Variants in CR1L observed in about 807,000 individuals in gnomAD.
CR1L encodes complement component receptor 1-like protein.
Under a neutral mutation model 62.3 loss-of-function variants are expected in CR1L, and 59 were observed. The ratio of observed to expected loss-of-function variants is 0.95; its 90% CI spans 0.77 to 1.18. The LOEUF is 1.18. CR1L is among the 50% of genes most tolerant of loss of function. The pLI, the probability that CR1L is intolerant of heterozygous loss-of-function variation, is 0.00. For synonymous variants in CR1L, 279 were observed against 248.7 expected, an observed-to-expected ratio of 1.12 and a Z score of -1.15; for missense variants, 700 against 702.8, an observed-to-expected ratio of 1.00 and a Z score of 0.04.
chr1:207,721,302 A>G (rs151105668), intron 11 of CR1L, among the ~76,000 whole-genome samples: 4,558 of 150,130 alleles, frequency 0.03, 101 homozygotes, highest in Middle Eastern at 0.048. Flanking sequence ...CTAACTCGTC[A>G]TCTAGCATTA....
rs534398001 is a variant in CR1L at position 207,696,075 on chromosome 1, C to T, written c.862+1324C>T. Among the ~76,000 whole-genome samples, 3 of 152,280 alleles carry T rather than the reference C, an allele frequency of 2.0e-5. No homozygotes were observed. The South Asian group carries it at 6.2e-4, about 32-fold the overall frequency. The stretch of plus-strand genomic sequence containing the variant: ...AGCCTCCCTAGCAATAGGACGAAGG[C>T]AGAGTTACCAGAGATCAGGGAGCTG... On this transcript the variant is annotated intron_variant, in intron 5 of 11. Coordinates refer to ENST00000508064, the MANE Select transcript of CR1L (RefSeq NM_175710.2).
chr1:207,692,743 A>G (rs1189512686), intron 4 of CR1L, among the ~76,000 whole-genome samples: 1 of 150,050 alleles, frequency 6.7e-6, no homozygotes, highest in East Asian at 2.0e-4. Flanking sequence ...CGTTCCTCGC[A>G]CTGACCAACC....
In CR1L at chr1:207,694,387, T is replaced by C; in HGVS notation, c.498T>C (p.Asn166=). ...IICGLPPTIA[N]GDFTSISREY... ...GTGGGCTACCCCCCACCATCGCCAA[T>C]GGAGATTTCACTAGCATCAGCAGAG... is the stretch of plus-strand genomic sequence containing the variant. Residue 166 remains asparagine (N), a synonymous_variant, in exon 5 of 12, where the codon AAT becomes AAC. Coordinates refer to ENST00000508064, the MANE Select transcript of CR1L (RefSeq NM_175710.2). The C allele has an allele frequency of 6.2e-7, 1 of 1,613,976 alleles. No homozygotes were observed. The highest frequency in any genetic ancestry group is 8.5e-7 in the Non-Finnish European group (1 of 1,179,870).
At chr1:207,665,392 G>T (rs888592124) in intron 1 of CR1L, among the ~76,000 whole-genome samples, 2 of 138,982 alleles carry the variant, frequency 1.4e-5, no homozygotes, top group Non-Finnish European at 3.1e-5. Context: ...AAATATATAT[G>T]TAGATTAAAT....
intron 1 of CR1L, among the ~76,000 whole-genome samples, chr1:207,649,397 A>G (rs1019201694): frequency 6.6e-6 from 1 of 152,316 alleles, no homozygotes; most frequent in South Asian, 2.1e-4. Flanking sequence ...GGAATAAACA[A>G]TCACCATCGT....
chr1:207,667,837 T>C (rs986633564), intron 1 of CR1L, among the ~76,000 whole-genome samples: 1 of 149,122 alleles, frequency 6.7e-6, no homozygotes, highest in Non-Finnish European at 1.5e-5. Flanking sequence ...AAACAAATAA[T>C]ATTATTTAAA....
intron 9 of CR1L, among the ~76,000 whole-genome samples, chr1:207,705,913 T>C (rs1307265551): frequency 2.0e-5 from 3 of 151,876 alleles, no homozygotes; most frequent in Non-Finnish European, 2.9e-5. Flanking sequence ...CAAATAATTC[T>C]GTGAAACTAG....
chr1:207,699,693 G>T (rs1664162113), intron 8 of CR1L, among the ~76,000 whole-genome samples: 1 of 150,678 alleles, frequency 6.6e-6, no homozygotes, highest in Admixed American at 6.6e-5. Context: ...TCTACAATTT[G>T]TGTATATATT....
At chr1:207,674,017 C>T (rs1663652492) in intron 1 of CR1L, among the ~76,000 whole-genome samples, 2 of 152,254 alleles carry the variant, frequency 1.3e-5, no homozygotes, top group Admixed American at 1.3e-4. Context: ...TGTGCAGCAA[C>T]CTAGATAGAA....
chr1:207,657,683 G>C (rs1663337700), intron 1 of CR1L, among the ~76,000 whole-genome samples: 1 of 152,160 alleles, frequency 6.6e-6, no homozygotes, highest in African/African-American at 2.4e-5. Flanking sequence ...GGTAGTGGTA[G>C]ACTGTAACAG....
Position 207,717,558 on chromosome 1 carries a change from A to T in CR1L, c.1509A>T (p.Thr503=), listed in dbSNP as rs770898536. The part of the protein sequence containing the change: ...DIPYGKEVSY[T]CDPHPDRGMT... ...CCTATGGAAAAGAAGTATCTTACACATGTGACCCCCACCCAGACAGAGGGA... is the reference window on the plus strand; with the variant it reads ...CCTATGGAAAAGAAGTATCTTACACTTGTGACCCCCACCCAGACAGAGGGA... Residue 503 remains threonine (T), a synonymous_variant, in exon 11 of 12, where the codon ACA becomes ACT. Coordinates refer to ENST00000508064, the MANE Select transcript of CR1L (RefSeq NM_175710.2). 2 of 1,613,870 alleles carry T rather than the reference A, an allele frequency of 1.2e-6. No homozygotes were observed. The highest frequency in any genetic ancestry group is 3.3e-5 in the Admixed American group (2 of 60,004).
intron 1 of CR1L, among the ~76,000 whole-genome samples, chr1:207,649,350 A>C (rs1420243391): frequency 6.6e-6 from 1 of 152,208 alleles, no homozygotes; most frequent in Non-Finnish European, 1.5e-5. Context: ...GGAATAAATC[A>C]CAGGGTGAGC....
intron 9 of CR1L, among the ~76,000 whole-genome samples, chr1:207,706,983 A>G (rs34574699): frequency 0.13 from 20,505 of 152,246 alleles, 1,765 homozygotes; most frequent in Admixed American, 0.21. Flanking sequence ...GGCTAGACTT[A>G]CAGAAAAGAT....
chr1:207,715,479 G>A (rs960679950), intron 10 of CR1L: 1 of 833,768 alleles, frequency 1.2e-6, no homozygotes, highest in Middle Eastern at 2.6e-4. Flanking sequence ...TCACTTGTCT[G>A]GATCTTTACT....
intron 10 of CR1L, among the ~76,000 whole-genome samples, chr1:207,716,933 A>G (rs144240331): frequency 2.0e-5 from 3 of 152,314 alleles, no homozygotes; most frequent in African/African-American, 7.2e-5. Context: ...TAATCTGTGT[A>G]AAAAGAGCCT....
rs539990465 is a variant in CR1L, at chr1:207,717,746, C to T, written c.1642+55C>T. 2.0e-5 allele frequency: 31 copies of T among 1,582,990 alleles called. No individual in the cohort carries two copies. In the South Asian group the frequency reaches 3.1e-4, roughly 16 times the overall value. The stretch of plus-strand genomic sequence containing the variant: ...GGGTTCAGAATATGTAGGTGAGAAC[C>T]TTCATATTTCTATAGTGACAGTCAT... On this transcript the variant is annotated intron_variant, in intron 11 of 11. Transcript: ENST00000508064.
At chr1:207,692,769 G>C (rs1163260208) in intron 4 of CR1L, among the ~76,000 whole-genome samples, 2 of 151,332 alleles carry the variant, frequency 1.3e-5, no homozygotes, top group Non-Finnish European at 3.0e-5. Context: ...GTGATCTTCA[G>C]GCGTGCCATA....
intron 1 of CR1L, among the ~76,000 whole-genome samples, chr1:207,662,917 G>T (rs1469094216): frequency 6.6e-6 from 1 of 152,212 alleles, no homozygotes; most frequent in African/African-American, 2.4e-5. Flanking sequence ...GTCCACTCTA[G>T]ACCCTGTTTG....
chr1:207,665,810 C>T (rs763378128), intron 1 of CR1L, among the ~76,000 whole-genome samples: 1 of 152,188 alleles, frequency 6.6e-6, no homozygotes, highest in African/African-American at 2.4e-5. Context: ...AAGAAACACA[C>T]GTAGCCTTTG....
Sources: allele counts gnomAD v4.1 joint callset (sites outside exome capture counted in the v4.1 genomes callset), GRCh38; gene constraint gnomAD v4.1.1; transcripts MANE v1.5; gene names NCBI Gene and HGNC (gene_info 2026-07-23, HGNC 2026-07-21).